The following HERC1 variants were observed in gnomAD, a reference collection of about 807,000 sequenced individuals.
The protein encoded by HERC1 is probable E3 ubiquitin-protein ligase HERC1.
A neutral mutation model predicts 554.3 loss-of-function variants in HERC1; 160 were observed. That is an observed-to-expected ratio of 0.29 (90% CI 0.25 to 0.33). The LOEUF (loss-of-function observed/expected upper bound fraction) is 0.33, where lower values mean the gene tolerates loss of function less well. Ranked by LOEUF, HERC1 falls within the 10% of genes least tolerant of loss-of-function variation. HERC1 has a pLI of 1.00. For missense variants in HERC1, 4,919 were observed against 5,918.5 expected (o/e 0.83, Z 5.54); for synonymous variants, 2,175 against 2,131.7 (o/e 1.02, Z -0.56).
chr15:63,637,446 C>G, intron 64 of HERC1, 59 bp downstream of exon 64: 1 of 1,441,404 alleles, frequency 6.9e-7, no homozygotes. Flanking sequence ...AAGGTTTGTA[C>G]GACCAAACCT....
intron 12 of HERC1, among the ~76,000 whole-genome samples, chr15:63,743,242 T>C (rs76450208): frequency 0.041 from 5,764 of 141,494 alleles, 223 homozygotes; most frequent in Admixed American, 0.14. Flanking sequence ...GTATTTTCTT[T>C]TTTTTTCTTT....
intron 26 of HERC1, 134 bp from the exon 27 acceptor site, chr15:63,696,473 A>G (rs1487133703): frequency 8.1e-6 from 5 of 618,390 alleles, no homozygotes; most frequent in African/African-American, 1.8e-5. Context: ...ATAAACATTT[A>G]TTTTATTATT....
At position 63,720,103 on chromosome 15, in the gene HERC1, CTTT is replaced by C. The variant is rs573648232; in HGVS notation, c.3743-1209_3743-1207del. Among the ~76,000 whole-genome samples, 22 of 71,604 alleles carry C rather than the reference CTTT, an allele frequency of 3.1e-4. 2 individuals are homozygous for C. Among genetic ancestry groups the C allele is most frequent in the Non-Finnish European group, 2.7e-4 (10 of 37,468 alleles). The allele number at this position is 71,604 out of a possible 152,430, so 47.0% of individuals were successfully genotyped here. On this transcript the variant is annotated intron_variant, in intron 19 of 77. Transcript: ENST00000443617. ...GGACTAGTCAGGTGCTTTTTCTTCC[CTTT>C]TTTTTTTTTTTTAAGAGACAGGGTC... is the stretch of plus-strand genomic sequence containing the variant.
chr15:63,756,578 T>C lies in HERC1; in HGVS notation c.1392A>G (p.Lys464=). ...AGGCTAAAGTGTGACCATCAGATCC[T>C]TTAGAAGATGAAACCTTTTTAATGG... The part of the protein sequence containing the change: ...HRSIKKVSSS[K]GSDGHTLAFT... The change falls in exon 5 of 78, where the codon AAA becomes AAG. Residue 464 remains lysine (K), a synonymous_variant. Transcript: ENST00000443617. The surrounding 1 kb of genome is among the most constrained non-coding windows in gnomAD (Gnocchi z 5.0). The C allele has an allele frequency of 6.2e-7, 1 of 1,613,956 alleles. No individual in the cohort carries two copies. The highest frequency in any genetic ancestry group is 8.5e-7 in the Non-Finnish European group (1 of 1,179,832).
At chr15:63,700,156 G>C (rs2072639227) in intron 25 of HERC1, among the ~76,000 whole-genome samples, 1 of 151,822 alleles carries the variant, frequency 6.6e-6, no homozygotes, top group South Asian at 2.1e-4. Context: ...GGTTTTAGTT[G>C]TCGTTGACTT....
At chr15:63,679,095 TAATTGATACA>T (rs2071347672) in intron 36 of HERC1, among the ~76,000 whole-genome samples, 1 of 152,224 alleles carries the variant, frequency 6.6e-6, no homozygotes, top group South Asian at 2.1e-4. Flanking sequence ...TAGAATAAAT[TAATTGATACA>T]TAGTCTAAGT....
At chr15:63,830,138 CCA>C (rs2078106131) in intron 1 of HERC1, among the ~76,000 whole-genome samples, 1 of 152,094 alleles carries the variant, frequency 6.6e-6, no homozygotes, top group Non-Finnish European at 1.5e-5. Flanking sequence ...AACTGTACAT[CCA>C]CAGTCTCAAA....
rs2070259939 is a variant in HERC1, at chr15:63,659,880, A to T, written c.9280T>A (p.Phe3094Ile). 6 of 1,613,890 alleles carry T rather than the reference A, an allele frequency of 3.7e-6. No homozygotes were observed. The highest frequency in any genetic ancestry group is 5.1e-6 in the Non-Finnish European group (6 of 1,179,824). Residue 3094 changes from phenylalanine to isoleucine, a missense_variant, in exon 47 of 78, where the codon TTT (phenylalanine) becomes ATT (isoleucine). By Grantham distance (21) the Phe-to-Ile change is conservative. This residue lies in a region of HERC1 where 1,963 missense variants were observed against 2,228.6 expected (regional missense o/e 0.88). Coordinates refer to ENST00000443617, the MANE Select transcript of HERC1 (RefSeq NM_003922.4). ...EDEKLTGEEEFELLAGPLGLN... is the reference protein window; with the variant it reads ...EDEKLTGEEEIELLAGPLGLN... ...CCAAGCGGTCCAGCAAGTAATTCAA[A>T]TTCTTCTTCACCAGTTAGCTTTTCA...
intron 60 of HERC1, 91 bp from the exon 61 acceptor site, chr15:63,640,536 T>A: frequency 9.3e-7 from 1 of 1,077,546 alleles, no homozygotes; most frequent in Non-Finnish European, 1.3e-6. Context: ...TGGAATCATA[T>A]TTTTCAAGTT....
chr15:63,776,379 T>A (rs2076115220), intron 1 of HERC1, among the ~76,000 whole-genome samples: 1 of 152,190 alleles, frequency 6.6e-6, no homozygotes, highest in African/African-American at 2.4e-5. Flanking sequence ...ATCCTTCTAG[T>A]TCCCTGAGCC....
At chr15:63,615,169 G>T (rs1209298007) in intron 76 of HERC1, among the ~76,000 whole-genome samples, 1 of 152,200 alleles carries the variant, frequency 6.6e-6, no homozygotes, top group African/African-American at 2.4e-5. Context: ...CAGGACTAAG[G>T]AGGAGTAAGG....
At chr15:63,777,851 G>A (rs1292741475) in intron 1 of HERC1, among the ~76,000 whole-genome samples, 1 of 152,052 alleles carries the variant, frequency 6.6e-6, no homozygotes, top group African/African-American at 2.4e-5. Flanking sequence ...TTAAAAACCT[G>A]AGTCTTTAGT....
chr15:63,801,055 T>A (rs1374184104), intron 1 of HERC1, among the ~76,000 whole-genome samples: 1 of 152,136 alleles, frequency 6.6e-6, no homozygotes, highest in African/African-American at 2.4e-5. Context: ...AGCTTTCAGG[T>A]TGGTGAACAC....
intron 42 of HERC1, among the ~76,000 whole-genome samples, chr15:63,665,282 CCAGCACTTTGGAAG>C (rs2070563127): frequency 6.6e-6 from 1 of 152,040 alleles, no homozygotes; most frequent in Non-Finnish European, 1.5e-5. Flanking sequence ...GCCTGTAATC[CCAGCACTTTGGAAG>C]ACCAAGGTGG....
intron 24 of HERC1, 150 bp downstream of exon 24, chr15:63,712,625 A>G (rs576016713): frequency 6.8e-6 from 4 of 587,550 alleles, no homozygotes; most frequent in African/African-American, 5.6e-5. Flanking sequence ...TGTGGTAAAC[A>G]TATATGCAAT....
At chr15:63,781,256 T>C (rs2076281561) in intron 1 of HERC1, among the ~76,000 whole-genome samples, 2 of 152,204 alleles carry the variant, frequency 1.3e-5, no homozygotes, top group Admixed American at 1.3e-4. Flanking sequence ...ACCTCATTTA[T>C]TGCACTTGAC....
chr15:63,789,772 A>G (rs1448933286), intron 1 of HERC1, among the ~76,000 whole-genome samples: 1 of 149,964 alleles, frequency 6.7e-6, no homozygotes, highest in East Asian at 1.9e-4. Context: ...AGGTCTCTCC[A>G]GCCTGGGCGA....
chr15:63,643,113 A>G, intron 58 of HERC1, 55 bp from the exon 59 acceptor site: 2 of 1,161,324 alleles, frequency 1.7e-6, no homozygotes, highest in East Asian at 2.5e-5. Context: ...TATAATTTAC[A>G]TTTAAATTTC....
intron 1 of HERC1, among the ~76,000 whole-genome samples, chr15:63,813,681 G>A (rs2077403063): frequency 1.3e-5 from 2 of 152,132 alleles, no homozygotes; most frequent in Admixed American, 1.3e-4. Flanking sequence ...AGTTTGCCCA[G>A]GACATTACCA....
Sources: allele counts gnomAD v4.1 joint callset (sites outside exome capture counted in the v4.1 genomes callset), GRCh38; gene constraint gnomAD v4.1.1; regional missense constraint gnomAD v4.1.1; non-coding constraint Gnocchi (gnomAD v3.1); transcripts MANE v1.5; gene names NCBI Gene and HGNC (gene_info 2026-07-23, HGNC 2026-07-21).